Variants in RAB30 observed in about 807,000 individuals in gnomAD.
RAB30 encodes ras-related protein Rab-30.
RAB30 carries 9 observed loss-of-function variants against 25.1 expected under a neutral mutation model. The observed-to-expected ratio is 0.36, with a 90% CI of 0.22 to 0.63. The LOEUF is 0.63. Ranked by LOEUF, RAB30 falls within the 20% of genes least tolerant of loss-of-function variation. The pLI, the probability that RAB30 is intolerant of heterozygous loss-of-function variation, is 0.69. For synonymous variants in RAB30, 77 were observed against 86.4 expected (o/e 0.89, Z 0.60); for missense variants, 140 against 243.5 (o/e 0.58, Z 2.83).
intron 1 of RAB30, among the ~76,000 whole-genome samples, chr11:82,999,755 T>G (rs562179774): frequency 6.6e-6 from 1 of 151,638 alleles, no homozygotes; most frequent in East Asian, 1.9e-4. Context: ...ACCCCAAGCC[T>G]CCCTGAGATC....
chr11:83,032,778 AT>A (rs1857897938), intron 1 of RAB30, among the ~76,000 whole-genome samples: 1 of 152,218 alleles, frequency 6.6e-6, no homozygotes, highest in Non-Finnish European at 1.5e-5. Flanking sequence ...GGAGAAAAGA[AT>A]GGAAAAAGAG....
intron 1 of RAB30, among the ~76,000 whole-genome samples, chr11:83,043,170 C>T (rs1368856473): frequency 1.3e-5 from 2 of 152,150 alleles, no homozygotes; most frequent in Non-Finnish European, 2.9e-5. Context: ...CAAGCCTAGG[C>T]CTTAAAAGGC....
intron 1 of RAB30, among the ~76,000 whole-genome samples, chr11:83,031,522 C>CT (rs1214493635): frequency 0.027 from 2,223 of 83,664 alleles, 69 homozygotes; most frequent in African/African-American, 0.12. Context: ...TCTGCGTATT[C>CT]TTTTTTTTTC....
intron 3 of RAB30, among the ~76,000 whole-genome samples, chr11:82,989,470 C>T (rs1856806773): frequency 6.6e-6 from 1 of 152,178 alleles, no homozygotes; most frequent in South Asian, 2.1e-4. Flanking sequence ...ATGCTAAAGG[C>T]CACTGTACAG....
chr11:82,999,508 C>A (rs1857029468), intron 1 of RAB30, among the ~76,000 whole-genome samples: 1 of 152,190 alleles, frequency 6.6e-6, no homozygotes, highest in Non-Finnish European at 1.5e-5. Flanking sequence ...AAGGGCAGTA[C>A]CTGGCTCTTT....
chr11:83,025,305 G>A lies in RAB30; in HGVS notation c.-8-27981C>T, dbSNP rs996827891. Among the ~76,000 whole-genome samples the A allele has an allele frequency of 2.0e-5, 3 of 152,266 alleles. No individual in the cohort carries two copies. The South Asian group carries it at 6.2e-4, about 32-fold the overall frequency. ...TAGACCATAAGCCTTTTAATCAAAC[G>A]AAGGAAACAACACATCTCTGACTGA... On this transcript the variant is annotated intron_variant, in intron 1 of 4. Transcript: ENST00000527633.
chr11:82,987,401 C>G, intron 4 of RAB30, 186 bp downstream of exon 4: 2 of 475,502 alleles, frequency 4.2e-6, no homozygotes, highest in Admixed American at 4.3e-5. Context: ...CTTTATTTTT[C>G]TAAACTGTCA....
intron 1 of RAB30, among the ~76,000 whole-genome samples, chr11:83,028,185 T>C (rs1031858199): frequency 1.3e-5 from 2 of 152,032 alleles, no homozygotes; most frequent in African/African-American, 4.8e-5. Context: ...AAAGGAAACA[T>C]AGAGAACAAA....
chr11:82,982,123 C>T lies in RAB30; in HGVS notation c.*42G>A, dbSNP rs774113212. ...ATCTCCCCAGCATCTCATGGCCCAT[C>T]AGGGCAGTTGCTGATTCCTTTTCTT... On this transcript the variant is annotated 3_prime_UTR_variant, in exon 5 of 5. Coordinates refer to ENST00000527633, the MANE Select transcript of RAB30 (RefSeq NM_001286060.2). 7 of 1,611,270 alleles carry T rather than the reference C, an allele frequency of 4.3e-6. No individual in the cohort carries two copies. The South Asian group carries it at 4.4e-5, about 10-fold the overall frequency.
chr11:83,050,070 C>A (rs1044284677), intron 1 of RAB30, among the ~76,000 whole-genome samples: 8 of 151,918 alleles, frequency 5.3e-5, no homozygotes, highest in African/African-American at 1.9e-4. Context: ...CCATTCTGGG[C>A]AACATAGGGA....
chr11:83,009,609 T>TAAATA lies in RAB30; in HGVS notation c.-8-12290_-8-12286dup, dbSNP rs370648736. Among the ~76,000 whole-genome samples the TAAATA allele has an allele frequency of 3.9e-3, 592 of 151,550 alleles. 5 individuals carry two copies. The highest frequency in any genetic ancestry group is 0.011 in the African/African-American group (467 of 41,252). ...CCCAGGGAGCCAAAAACACCAAAAA[T>TAAATA]AAATAAAATAAAATAAAATAAAATA... On this transcript the variant is annotated intron_variant, in intron 1 of 4. Coordinates refer to ENST00000527633, the MANE Select transcript of RAB30 (RefSeq NM_001286060.2).
intron 1 of RAB30, chr11:83,034,612 C>T (rs540658709): frequency 6.6e-6 from 1 of 152,292 alleles, no homozygotes; most frequent in African/African-American, 2.4e-5. Context: ...TCTGCCAAAG[C>T]TCTCTGCCCA....
chr11:83,015,972 T>C (rs1857427290), intron 1 of RAB30, among the ~76,000 whole-genome samples: 2 of 151,958 alleles, frequency 1.3e-5, no homozygotes, highest in South Asian at 4.2e-4. Context: ...ACCCTATCTC[T>C]ACAAAAAATA....
At chr11:83,065,320 G>A (rs1198323650) in intron 1 of RAB30, among the ~76,000 whole-genome samples, 2 of 152,174 alleles carry the variant, frequency 1.3e-5, no homozygotes, top group Non-Finnish European at 2.9e-5. Context: ...AGCCTAGGAG[G>A]TAGAGGTTGC....
intron 1 of RAB30, chr11:83,034,909 T>C (rs909256321): frequency 1.3e-5 from 2 of 151,900 alleles, no homozygotes; most frequent in African/African-American, 4.8e-5. Flanking sequence ...GTATCAAACT[T>C]TTTGTTCACA....
rs550052590 is a variant in RAB30, at chr11:83,008,298, G to A, written c.-8-10974C>T. On this transcript the variant is annotated intron_variant, in intron 1 of 4. Transcript: ENST00000527633. Reference sequence around the variant, plus strand: ...TGTTGGAAGACTGTCACACTAGGCTGGACCCCTCCTTCAGCTGTTCAGATT... The same window carrying A: ...TGTTGGAAGACTGTCACACTAGGCTAGACCCCTCCTTCAGCTGTTCAGATT... Among the ~76,000 whole-genome samples the A allele has an allele frequency of 1.3e-5, 2 of 152,280 alleles. 1 individual carries two copies. The highest frequency in any genetic ancestry group is 4.8e-5 in the African/African-American group (2 of 41,562).
At chr11:83,056,221 A>G (rs1190462032) in intron 1 of RAB30, among the ~76,000 whole-genome samples, 1 of 152,102 alleles carries the variant, frequency 6.6e-6, no homozygotes, top group African/African-American at 2.4e-5. Flanking sequence ...ATTTTACTTT[A>G]TATTTCTTTG....
At chr11:83,058,011 A>G (rs887002285) in intron 1 of RAB30, among the ~76,000 whole-genome samples, 1 of 152,034 alleles carries the variant, frequency 6.6e-6, no homozygotes, top group Admixed American at 6.6e-5. Flanking sequence ...CTTGCAACAA[A>G]CCCTGTGCTC....
At chr11:83,067,056 G>C (rs568774197) in intron 1 of RAB30, among the ~76,000 whole-genome samples, 1 of 152,060 alleles carries the variant, frequency 6.6e-6, no homozygotes, top group Admixed American at 6.6e-5. Flanking sequence ...AGTCTGGAGC[G>C]CTTTTGCTTG....
Sources: gnomAD v4.1 joint callset for allele counts (sites outside exome capture counted in the v4.1 genomes callset) on GRCh38, gnomAD v4.1.1 for gene constraint, MANE v1.5 for transcripts, NCBI Gene and HGNC (gene_info 2026-07-23, HGNC 2026-07-21) for gene names.